Variants in HERC2 observed in about 807,000 individuals in gnomAD.
HERC2 encodes the protein E3 ubiquitin-protein ligase HERC2.
In HERC2, 102 loss-of-function variants were observed where a neutral mutation model predicts 537.7. The ratio of observed to expected loss-of-function variants is 0.19; its 90% CI spans 0.16 to 0.22. HERC2 has a LOEUF of 0.22. HERC2 is among the 10% of genes least tolerant of loss of function. The pLI is 1.00. For synonymous variants in HERC2, 2,224 were observed against 2,466.2 expected, an observed-to-expected ratio of 0.90 and a Z score of 2.91; for missense variants, 4,236 against 6,198.2, an observed-to-expected ratio of 0.68 and a Z score of 10.63.
intron 52 of HERC2, among the ~76,000 whole-genome samples, chr15:28,195,214 AAC>A: frequency 6.6e-6 from 1 of 152,192 alleles, no homozygotes; most frequent in African/African-American, 2.4e-5. Flanking sequence ...TATCTTCAGT[AAC>A]TACTAAAACT....
intron 81 of HERC2, 47 bp from the exon 82 acceptor site, chr15:28,130,641 G>A (rs1402299964): frequency 2.3e-6 from 3 of 1,280,222 alleles, no homozygotes; most frequent in Non-Finnish European, 3.4e-6. Flanking sequence ...CAAGGCTCCT[G>A]CTGACTGCTA....
At chr15:28,316,397 T>C (rs1252888602) in intron 2 of HERC2, among the ~76,000 whole-genome samples, 1 of 152,086 alleles carries the variant, frequency 6.6e-6, no homozygotes, top group African/African-American at 2.4e-5. Flanking sequence ...CACAGCACTT[T>C]GGGAGGCCAA....
At position 28,222,199 on chromosome 15, in the gene HERC2, G is replaced by T; in HGVS notation, c.5481C>A (p.Asn1827Lys). The change falls in exon 36 of 93, where the codon AAC (asparagine) becomes AAA (lysine). Residue 1827 changes from asparagine to lysine, a missense_variant. By Grantham distance (94) the Asn-to-Lys change is moderately conservative. This residue lies in a region of HERC2 where 343 missense variants were observed against 417.2 expected (regional missense o/e 0.82). Transcript: ENST00000261609. ...CAGAAGCATTCATATCTTCCTCAAC[G>T]TTGTCACAACTGGGGCCTGATGGAG... is the stretch of plus-strand genomic sequence containing the variant. ...ALRLIGPSCD[N>K]VEEDMNASAQ... 7 of 1,593,288 alleles carry T rather than the reference G, an allele frequency of 4.4e-6. No homozygotes were observed. The highest frequency in any genetic ancestry group is 6.0e-6 in the Non-Finnish European group (7 of 1,176,204).
intron 83 of HERC2, among the ~76,000 whole-genome samples, chr15:28,129,327 A>G (rs1889849042): frequency 1.3e-5 from 2 of 152,238 alleles, no homozygotes; most frequent in African/African-American, 2.4e-5. Flanking sequence ...GGAGCCACAC[A>G]GGACGAGCTT....
chr15:28,241,853 G>A (rs1436152917), intron 23 of HERC2, among the ~76,000 whole-genome samples: 1 of 151,848 alleles, frequency 6.6e-6, no homozygotes, highest in African/African-American at 2.4e-5. Context: ...AAGAAGGGAC[G>A]CAAATGGATA....
intron 70 of HERC2, among the ~76,000 whole-genome samples, chr15:28,148,992 C>G (rs544452707): frequency 1.3e-5 from 2 of 150,424 alleles, no homozygotes; most frequent in Non-Finnish European, 3.0e-5. Context: ...AAAACACACA[C>G]GGCTCCTAAC....
chr15:28,256,054 AC>A, intron 18 of HERC2, 34 bp downstream of exon 18: 1 of 1,604,482 alleles, frequency 6.2e-7, no homozygotes. Flanking sequence ...CAACACCCTG[AC>A]CCATGCCCTC....
intron 2 of HERC2, among the ~76,000 whole-genome samples, chr15:28,317,956 C>A (rs1321308997): frequency 2.6e-5 from 4 of 152,004 alleles, no homozygotes; most frequent in African/African-American, 9.7e-5. Context: ...ATTTCATGTG[C>A]CACTTAAAAA....
At position 28,190,577 on chromosome 15, in the gene HERC2, G is replaced by A. The variant is rs573366933; in HGVS notation, c.8649+388C>T. 3 of 201,482 alleles carry A rather than the reference G, an allele frequency of 1.5e-5. No homozygotes were observed. The South Asian group carries it at 3.4e-4, about 23-fold the overall frequency. 12.5% of individuals were successfully genotyped at this position (201,482 alleles called of 1,614,324 possible). On this transcript the variant is annotated intron_variant, in intron 55 of 92. Transcript: ENST00000261609. ...CAAGTTCAGCACTTGATGCCAACAG[G>A]TGTGACGACAAAAAAGCAACTTCAG... is the stretch of plus-strand genomic sequence containing the variant.
intron 2 of HERC2, among the ~76,000 whole-genome samples, chr15:28,313,727 G>A (rs571926212): frequency 6.6e-6 from 1 of 152,216 alleles, no homozygotes; most frequent in South Asian, 2.1e-4. Context: ...TTAAGAACAG[G>A]TTCCTAGAAC....
intron 23 of HERC2, among the ~76,000 whole-genome samples, chr15:28,242,432 T>C (rs1366699319): frequency 6.6e-6 from 1 of 152,226 alleles, no homozygotes; most frequent in Non-Finnish European, 1.5e-5. Context: ...CATCAGCCAG[T>C]GTTTCCCTCG....
chr15:28,179,100 C>G (rs758675321), intron 58 of HERC2, 42 bp downstream of exon 58: 2 of 1,597,986 alleles, frequency 1.3e-6, no homozygotes, highest in South Asian at 2.3e-5. Flanking sequence ...TTTTTGGTGC[C>G]AAGCATAATT....
chr15:28,152,498 T>C (rs1892558923), intron 70 of HERC2, among the ~76,000 whole-genome samples, 179 bp downstream of exon 70: 1 of 152,272 alleles, frequency 6.6e-6, no homozygotes, highest in South Asian at 2.1e-4. Flanking sequence ...TGACTTTCTA[T>C]ATCATGATTT....
intron 52 of HERC2, 125 bp from the exon 53 acceptor site, chr15:28,192,276 T>A: frequency 1.3e-6 from 1 of 766,902 alleles, no homozygotes; most frequent in Non-Finnish European, 2.0e-6. Context: ...TGAAAGGAGT[T>A]AATAAATGCC....
chr15:28,175,614 C>A lies in HERC2; in HGVS notation c.9729G>T (p.Val3243=), dbSNP rs1381154533. 6.2e-7 allele frequency: 1 copy of A among 1,614,118 alleles called. No individual in the cohort carries two copies. The highest frequency in any genetic ancestry group is 2.2e-5 in the East Asian group (1 of 44,854). Residue 3243 remains valine (V), a synonymous_variant, in exon 64 of 93, where the codon GTG becomes GTT. Coordinates refer to ENST00000261609, the MANE Select transcript of HERC2 (RefSeq NM_004667.6). ...CCACCACCTGTGGTTTCCGCACGTG[C>A]ACGTCAGAGCCGTGGCCCAATCTGA... The part of the protein sequence containing the change: ...DYFRLGHGSD[V]HVRKPQVVEG...
chr15:28,167,221 G>C (rs531181674), intron 68 of HERC2, among the ~76,000 whole-genome samples: 2 of 152,180 alleles, frequency 1.3e-5, no homozygotes, highest in South Asian at 4.1e-4. Context: ...CCTTAACCAA[G>C]TGATAAGCTA....
At chr15:28,294,738 A>G (rs530879459) in intron 3 of HERC2, among the ~76,000 whole-genome samples, 9 of 151,606 alleles carry the variant, frequency 5.9e-5, no homozygotes, top group East Asian at 5.8e-4. Flanking sequence ...CTCGTGGTTC[A>G]CTCTGTTCCC....
At chr15:28,285,566 G>A (rs1421958204) in intron 4 of HERC2, among the ~76,000 whole-genome samples, 1 of 151,552 alleles carries the variant, frequency 6.6e-6, no homozygotes, top group African/African-American at 2.4e-5. Flanking sequence ...GAAATTTACA[G>A]CACTAAATAA....
rs753803641 is a variant in HERC2 at position 28,218,502 on chromosome 15, C to T, written c.6015G>A (p.Thr2005=). The T allele has an allele frequency of 1.6e-5, 25 of 1,595,584 alleles. No homozygotes were observed. In the South Asian group the frequency reaches 2.3e-4, roughly 15 times the overall value. The change falls in exon 38 of 93, where the codon ACG becomes ACA. Residue 2005 remains threonine, a synonymous_variant. Transcript: ENST00000261609. The part of the protein sequence containing the change: ...GLLRMLVESG[T]TDKTSSPNRL... ...CTCATTCCATACATGTCTTGTCCGTCGTTCCGCTTTCCACTAACATTCGCA... is the reference window on the plus strand; with the variant it reads ...CTCATTCCATACATGTCTTGTCCGTTGTTCCGCTTTCCACTAACATTCGCA...
Sources: gnomAD v4.1 joint callset for allele counts (sites outside exome capture counted in the v4.1 genomes callset) on GRCh38, gnomAD v4.1.1 for gene constraint, gnomAD v4.1.1 regional missense constraint, MANE v1.5 for transcripts, NCBI Gene and HGNC (gene_info 2026-07-23, HGNC 2026-07-21) for gene names.